TIAM2: variants seen among roughly 807,000 people sequenced by gnomAD.
The protein encoded by TIAM2 is TIAM Rac1 associated GEF 2.
TIAM2 carries 80 observed loss-of-function variants against 152.9 expected under a neutral mutation model. The observed-to-expected ratio is 0.52, with a 90% CI of 0.44 to 0.63. The LOEUF (loss-of-function observed/expected upper bound fraction) is 0.63. Among genes scored for constraint, TIAM2 ranks in the 30% least tolerant of loss-of-function variants. TIAM2 has a pLI of 0.00. For synonymous variants in TIAM2, 804 were observed against 838.0 expected (o/e 0.96, Z 0.70); for missense variants, 1,965 against 2,120.1 (o/e 0.93, Z 1.44).
intron 2 of TIAM2, among the ~76,000 whole-genome samples, chr6:155,127,213 C>A (rs564595697): frequency 6.6e-6 from 1 of 152,296 alleles, no homozygotes; most frequent in African/African-American, 2.4e-5. Flanking sequence ...AGATGAGCCA[C>A]GCATGACTCA....
At position 155,156,254 on chromosome 6, in the gene TIAM2, G is replaced by A. The variant is rs1337583477; in HGVS notation, c.2028+7920G>A. ...AGGTGGTGAGAGGTAGACAGGGGAAGTAGGACTGTCTGTCACTCTCTCCTC... is the reference window on the plus strand; with the variant it reads ...AGGTGGTGAGAGGTAGACAGGGGAAATAGGACTGTCTGTCACTCTCTCCTC... On this transcript the variant is annotated intron_variant, in intron 7 of 26. Transcript: ENST00000682666. This position sits in a 1 kb window ranked among gnomAD's most constrained non-coding sequence, Gnocchi z 4.4. Among the ~76,000 whole-genome samples the A allele has an allele frequency of 1.3e-5, 2 of 152,168 alleles. No individual in the cohort carries two copies. The highest frequency in any genetic ancestry group is 2.4e-5 in the African/African-American group (1 of 41,444).
intron 9 of TIAM2, among the ~76,000 whole-genome samples, chr6:155,170,309 T>TTA (rs1313264826): frequency 3.8e-5 from 5 of 130,626 alleles, no homozygotes; most frequent in African/African-American, 1.5e-4. Context: ...TCTTCCAGCA[T>TTA]TATATAACAA....
rs71023612 is a variant in TIAM2, at chr6:155,057,017, C to CTTTTTTTTTT, written c.-208-33252_-208-33243dup. 1.6e-3 allele frequency among the ~76,000 whole-genome samples: 70 copies of CTTTTTTTTTT among 43,868 alleles called. 10 individuals are homozygous for CTTTTTTTTTT. The highest frequency in any genetic ancestry group is 7.4e-3 in the Admixed American group (19 of 2,584). The allele number at this position is 43,868 out of a possible 152,430, so 28.8% of individuals were successfully genotyped here. The stretch of plus-strand genomic sequence containing the variant: ...AGTAGAATGTTCCTCAGTTTTCTTT[C>CTTTTTTTTTT]TTTTTTTTTTTTTTTTTTTTTTTTT... On this transcript the variant is annotated intron_variant, in intron 1 of 26. Coordinates refer to ENST00000682666, the MANE Select transcript of TIAM2 (RefSeq NM_012454.4).
intron 1 of TIAM2, among the ~76,000 whole-genome samples, chr6:155,058,544 G>A (rs1227321390): frequency 3.9e-5 from 6 of 152,174 alleles, no homozygotes; most frequent in Non-Finnish European, 5.9e-5. Context: ...AGTCATTATC[G>A]TTTTTGACAA....
chr6:155,187,857 T>G (rs1171902499), intron 14 of TIAM2, among the ~76,000 whole-genome samples: 3 of 152,038 alleles, frequency 2.0e-5, no homozygotes, highest in Non-Finnish European at 4.4e-5. Context: ...GGATTACACG[T>G]GTGAGTCACT....
intron 1 of TIAM2, among the ~76,000 whole-genome samples, chr6:155,053,511 G>T (rs543893391): frequency 6.9e-6 from 1 of 144,610 alleles, no homozygotes; most frequent in Non-Finnish European, 1.5e-5. Flanking sequence ...TTGCCCCGTC[G>T]TCCAGGCTGG....
At chr6:155,230,066 G>A (rs1413493339) in intron 15 of TIAM2, among the ~76,000 whole-genome samples, 1 of 151,982 alleles carries the variant, frequency 6.6e-6, no homozygotes, top group Non-Finnish European at 1.5e-5. Flanking sequence ...ATCACCAGGT[G>A]ACACCTGTAC....
intron 14 of TIAM2, among the ~76,000 whole-genome samples, chr6:155,204,032 G>C (rs991573349): frequency 6.6e-6 from 1 of 152,116 alleles, no homozygotes; most frequent in African/African-American, 2.4e-5. Context: ...TCCAGGGATG[G>C]TGACGTTTGG....
rs564962966 is a variant in TIAM2 at position 155,088,620 on chromosome 6, A to G, written c.-208-1669A>G. On this transcript the variant is annotated intron_variant, in intron 1 of 26. Coordinates refer to ENST00000682666, the MANE Select transcript of TIAM2 (RefSeq NM_012454.4). ...AACCAGAGGCTCAGACAATCTAAAT[A>G]ACTGGGCTGAGCTCACTGAGGTGGT... Among the ~76,000 whole-genome samples the G allele has an allele frequency of 2.6e-5, 4 of 152,284 alleles. No individual in the cohort carries two copies. The South Asian group carries it at 8.3e-4, about 32-fold the overall frequency.
At chr6:155,099,616 T>C (rs1778508961) in intron 2 of TIAM2, among the ~76,000 whole-genome samples, 1 of 152,220 alleles carries the variant, frequency 6.6e-6, no homozygotes, top group Non-Finnish European at 1.5e-5. Context: ...CCAGTAACAT[T>C]GCTTCATAAC....
chr6:155,229,280 G>A (rs974627641), intron 15 of TIAM2, among the ~76,000 whole-genome samples: 5 of 152,194 alleles, frequency 3.3e-5, no homozygotes, highest in African/African-American at 1.2e-4. Flanking sequence ...AGATGAATTT[G>A]ACTGTTCTTG....
In TIAM2 at chr6:155,164,313, G is replaced by A. The variant is rs375851244; in HGVS notation, c.2029-102G>A. On this transcript the variant is annotated intron_variant, in intron 7 of 26. Coordinates refer to ENST00000682666, the MANE Select transcript of TIAM2 (RefSeq NM_012454.4). ...CTAATTTAAACCATGCAGACCAGCCGAAACTAATTTTTTCTTCAAGTTTGT... is the reference window on the plus strand; with the variant it reads ...CTAATTTAAACCATGCAGACCAGCCAAAACTAATTTTTTCTTCAAGTTTGT... 1.0e-3 allele frequency: 1,182 copies of A among 1,172,132 alleles called. 27 individuals are homozygous for A. The South Asian group carries it at 0.017, about 17-fold the overall frequency. The allele number at this position is 1,172,132 out of a possible 1,614,324, so 72.6% of individuals were successfully genotyped here. A position where few individuals can be genotyped will look rare whatever the true frequency, so the allele number is the denominator to read the frequency against.
intron 15 of TIAM2, among the ~76,000 whole-genome samples, chr6:155,219,474 C>T (rs1395955709): frequency 2.6e-5 from 4 of 152,204 alleles, no homozygotes; most frequent in African/African-American, 9.6e-5. Context: ...GAGTGTGGCA[C>T]CAGCCCATAT....
At chr6:155,005,486 T>G (rs1371809839) in intron 1 of TIAM2, among the ~76,000 whole-genome samples, 2 of 150,906 alleles carry the variant, frequency 1.3e-5, no homozygotes, top group East Asian at 3.9e-4. Flanking sequence ...ACTACAGGTG[T>G]GCACCACCAT....
chr6:155,097,340 C>CTTTTTA (rs752788620), intron 2 of TIAM2, among the ~76,000 whole-genome samples: 1 of 151,902 alleles, frequency 6.6e-6, no homozygotes, highest in Non-Finnish European at 1.5e-5. Context: ...CTGTGCAGAG[C>CTTTTTA]TTTTTATTTT....
chr6:155,037,229 A>G (rs182833746), intron 1 of TIAM2, among the ~76,000 whole-genome samples: 46 of 152,336 alleles, frequency 3.0e-4, no homozygotes, highest in South Asian at 1.2e-3. Context: ...AAATGGGGGC[A>G]GTAAAATACT....
In TIAM2 at chr6:155,167,758, A is replaced by C. The variant is rs1462733862; in HGVS notation, c.2361+2349A>C. Among the ~76,000 whole-genome samples the C allele has an allele frequency of 3.3e-5, 5 of 152,294 alleles. No individual in the cohort carries two copies. In the East Asian group the frequency reaches 9.6e-4, roughly 29 times the overall value. ...TCCATCTTCCCACCTCAACCTCCCA[A>C]AGTCCTGGGATTACAGGTCTGAGCC... On this transcript the variant is annotated intron_variant, in intron 9 of 26. Coordinates refer to ENST00000682666, the MANE Select transcript of TIAM2 (RefSeq NM_012454.4).
intron 1 of TIAM2, among the ~76,000 whole-genome samples, chr6:155,046,863 G>C (rs1777187494): frequency 1.3e-5 from 2 of 152,174 alleles, no homozygotes; most frequent in African/African-American, 2.4e-5. Context: ...GTTTTGATTT[G>C]CTGCTGTTGT....
intron 15 of TIAM2, among the ~76,000 whole-genome samples, chr6:155,231,759 T>A (rs1428308045): frequency 6.6e-6 from 1 of 152,222 alleles, no homozygotes; most frequent in Non-Finnish European, 1.5e-5. Flanking sequence ...AGTCCAGATG[T>A]GCAGGATCCA....
Sources: gnomAD v4.1 joint callset for allele counts (sites outside exome capture counted in the v4.1 genomes callset) on GRCh38, gnomAD v4.1.1 for gene constraint, Gnocchi (gnomAD v3.1) non-coding constraint, MANE v1.5 for transcripts, NCBI Gene and HGNC (gene_info 2026-07-23, HGNC 2026-07-21) for gene names.